Variants in ERI1 observed in about 807,000 individuals in gnomAD.
ERI1 encodes exoribonuclease 1.
In ERI1, 39 loss-of-function variants were observed where a neutral mutation model predicts 39.7. That is an observed-to-expected ratio of 0.98 (90% CI 0.76 to 1.28). ERI1 has a LOEUF of 1.28. ERI1 is among the 50% of genes most tolerant of loss of function. The pLI is 0.00. For missense variants in ERI1, 581 were observed against 416.9 expected (o/e 1.39, Z -3.43); for synonymous variants, 204 against 149.6 (o/e 1.36, Z -2.65).
chr8:9,084,409 T>G (rs931280813), intron 3 of ERI1, among the ~76,000 whole-genome samples: 2 of 152,208 alleles, frequency 1.3e-5, no homozygotes, highest in Non-Finnish European at 2.9e-5. Flanking sequence ...GTAGTGGAAT[T>G]GTATGGACAG....
At chr8:9,096,132 C>T (rs929813312) in intron 3 of ERI1, among the ~76,000 whole-genome samples, 1 of 152,332 alleles carries the variant, frequency 6.6e-6, no homozygotes, top group East Asian at 1.9e-4. Context: ...CAAGTACAAA[C>T]TCTCCATTGC....
rs1222925187 is a variant in ERI1 at position 9,093,520 on chromosome 8, A to AAAG, written n.300-22810_300-22808dup. 5.9e-4 allele frequency among the ~76,000 whole-genome samples: 88 copies of AAAG among 149,302 alleles called. 1 individual carries two copies. Among genetic ancestry groups the AAAG allele is most frequent in the African/African-American group, 1.6e-3 (63 of 39,758 alleles). ...CCTTGTCTCTAAAAAAAAAAAAAAAAAAGAAGAAGAAGAAGAAGAAAGTAA... is the reference window on the plus strand; with the variant it reads ...CCTTGTCTCTAAAAAAAAAAAAAAAAAAGAAGAAGAAGAAGAAGAAGAAAGTAA... On this transcript the variant is annotated intron_variant and non_coding_transcript_variant, in intron 3 of 3. Transcript: ENST00000518663.
intron 1 of ERI1, among the ~76,000 whole-genome samples, chr8:9,005,537 G>A (rs59635029): frequency 2.8e-5 from 4 of 144,110 alleles, no homozygotes; most frequent in African/African-American, 1.0e-4. Context: ...TTTTTTGAGA[G>A]GGAGTCTCTC....
At chr8:9,085,077 A>T (rs529369671) in intron 3 of ERI1, among the ~76,000 whole-genome samples, 23 of 152,264 alleles carry the variant, frequency 1.5e-4, no homozygotes, top group African/African-American at 5.3e-4. Flanking sequence ...ATGAATCAGA[A>T]ATTTGGGGGT....
intron 3 of ERI1, among the ~76,000 whole-genome samples, chr8:9,015,478 A>G (rs1345478206): frequency 6.6e-6 from 1 of 152,070 alleles, no homozygotes; most frequent in African/African-American, 2.4e-5. Context: ...CTTAGTTTAC[A>G]GAGTTGTGAG....
intron 3 of ERI1, among the ~76,000 whole-genome samples, chr8:9,014,593 A>G (rs138719031): frequency 4.6e-5 from 7 of 152,366 alleles, no homozygotes; most frequent in African/African-American, 1.2e-4. Context: ...TCTCTCTAGC[A>G]TTCTTCTGTT....
At chr8:9,046,139 G>T (rs1798167769) in intron 3 of ERI1, among the ~76,000 whole-genome samples, 1 of 152,190 alleles carries the variant, frequency 6.6e-6, no homozygotes. Context: ...CCTTGGCTGA[G>T]AGGACCGCTG....
At chr8:9,058,188 C>G (rs1345996324) in intron 3 of ERI1, among the ~76,000 whole-genome samples, 2 of 152,182 alleles carry the variant, frequency 1.3e-5, no homozygotes, top group East Asian at 3.9e-4. Flanking sequence ...ACCCAGAGCC[C>G]TCACGTGGCC....
intron 3 of ERI1, among the ~76,000 whole-genome samples, chr8:9,041,231 T>TA (rs899506074): frequency 6.6e-6 from 1 of 152,146 alleles, no homozygotes; most frequent in African/African-American, 2.4e-5. Flanking sequence ...GAGAAACAAG[T>TA]AAAATACAAA....
At chr8:9,037,295 C>A (rs1797883209), downstream of ERI1, among the ~76,000 whole-genome samples, 1 of 152,178 alleles carries the variant, frequency 6.6e-6, no homozygotes, top group Non-Finnish European at 1.5e-5. Flanking sequence ...GCATGTGCAC[C>A]ATCCTACTTC....
intron 3 of ERI1, among the ~76,000 whole-genome samples, chr8:9,042,570 C>CACACCG (rs1798060276): frequency 1.3e-5 from 2 of 152,180 alleles, no homozygotes; most frequent in Admixed American, 1.3e-4. Flanking sequence ...CGTCATTTGT[C>CACACCG]ACACCGCAGG....
At position 9,033,167 on chromosome 8, in the gene ERI1, G is replaced by C. The variant is rs567223570; in HGVS notation, c.*3133G>C. 6.7e-6 allele frequency: 1 copy of C among 150,226 alleles called. No individual in the cohort carries two copies. Among genetic ancestry groups the C allele is most frequent in the East Asian group, 2.0e-4 (1 of 5,078 alleles). The allele number at this position is 150,226 out of a possible 1,614,324, so 9.3% of individuals were successfully genotyped here. A position where few individuals can be genotyped will look rare whatever the true frequency, so the allele number is the denominator to read the frequency against. On this transcript the variant is annotated 3_prime_UTR_variant, in exon 7 of 7. Coordinates refer to ENST00000250263, the MANE Select transcript of ERI1 (RefSeq NM_153332.4). ...CAAAGCCCGTAAATTTGTTAATCTA[G>C]AGCAGGGGTCAGCAAACTACCACCC...
At chr8:9,082,457 T>G (rs1158990654) in intron 3 of ERI1, among the ~76,000 whole-genome samples, 1 of 152,228 alleles carries the variant, frequency 6.6e-6, no homozygotes, top group Non-Finnish European at 1.5e-5. Flanking sequence ...AAATGAGAGT[T>G]AAGCTGGATG....
At chr8:9,021,315 G>T (rs749440476) in intron 6 of ERI1, among the ~76,000 whole-genome samples, 8 of 152,078 alleles carry the variant, frequency 5.3e-5, no homozygotes, top group African/African-American at 1.9e-4. Flanking sequence ...TATCTTCCTG[G>T]AGCCTTTAAT....
intron 3 of ERI1, among the ~76,000 whole-genome samples, chr8:9,015,441 C>G (rs531490823): frequency 1.3e-5 from 2 of 152,056 alleles, no homozygotes; most frequent in Non-Finnish European, 1.5e-5. Context: ...ACTTAGAGAT[C>G]GGAGCCTGAT....
chr8:9,039,391 G>T lies in ERI1; in HGVS notation n.299+18927G>T, dbSNP rs114451180. Among the ~76,000 whole-genome samples the T allele has an allele frequency of 6.6e-3, 1,003 of 152,224 alleles. 12 individuals carry two copies. The highest frequency in any genetic ancestry group is 0.023 in the African/African-American group (944 of 41,532). ...AATATCCATGTCATGAATCAAATCA[G>T]ACTGACTTTGTCAGAAAAAGGTCTG... On this transcript the variant is annotated intron_variant and non_coding_transcript_variant, in intron 3 of 3. Transcript: ENST00000518663.
rs1360241812 is a variant in ERI1 at position 9,004,034 on chromosome 8, G to C, written c.108+863G>C. 5 of 1,270,948 alleles carry C rather than the reference G, an allele frequency of 3.9e-6. No homozygotes were observed. The Admixed American group carries it at 6.9e-5, about 18-fold the overall frequency. 78.7% of individuals were successfully genotyped at this position (1,270,948 alleles called of 1,614,324 possible). On this transcript the variant is annotated intron_variant, in intron 1 of 6. Transcript: ENST00000250263. ...CGGGGTCGGGTGCCTGCCTCCCTTG[G>C]TAATTGCATCTCACACAGTTTTTTC...
At chr8:9,021,470 A>G (rs992669683) in intron 6 of ERI1, among the ~76,000 whole-genome samples, 1 of 152,120 alleles carries the variant, frequency 6.6e-6, no homozygotes, top group Admixed American at 6.5e-5. Flanking sequence ...AAGTAGTTTC[A>G]TGAGAAAAGG....
chr8:9,022,902 A>G (rs1027001196), intron 6 of ERI1, among the ~76,000 whole-genome samples: 1 of 152,136 alleles, frequency 6.6e-6, no homozygotes, highest in African/African-American at 2.4e-5. Flanking sequence ...GAAGTCAGAC[A>G]TTATGTTATC....
Sources: gnomAD v4.1 joint callset for allele counts (sites outside exome capture counted in the v4.1 genomes callset) on GRCh38, gnomAD v4.1.1 for gene constraint, MANE v1.5 for transcripts, NCBI Gene and HGNC (gene_info 2026-07-23, HGNC 2026-07-21) for gene names.